Variants in GALNTL6 observed in about 807,000 individuals in gnomAD.
The protein encoded by GALNTL6 is polypeptide N-acetylgalactosaminyltransferase-like 6.
In GALNTL6, 46 loss-of-function variants were observed where a neutral mutation model predicts 73.7. The observed-to-expected ratio is 0.62, with a 90% CI of 0.49 to 0.80. The LOEUF (loss-of-function observed/expected upper bound fraction) is 0.80, where lower values mean the gene tolerates loss of function less well. Ranked by LOEUF, GALNTL6 falls within the 30% of genes least tolerant of loss-of-function variation. The pLI is 0.00. For synonymous variants in GALNTL6, 259 were observed against 263.7 expected, an observed-to-expected ratio of 0.98 and a Z score of 0.17; for missense variants, 604 against 755.0, an observed-to-expected ratio of 0.80 and a Z score of 2.34.
intron 8 of GALNTL6, among the ~76,000 whole-genome samples, chr4:172,930,902 T>C (rs187566761): frequency 1.9e-4 from 29 of 152,266 alleles, no homozygotes; most frequent in African/African-American, 7.0e-4. Context: ...TGGGCTCAAG[T>C]GATCCTCCCT....
intron 5 of GALNTL6, among the ~76,000 whole-genome samples, chr4:172,461,558 G>A (rs1261610806): frequency 1.3e-5 from 2 of 152,068 alleles, no homozygotes; most frequent in Non-Finnish European, 1.5e-5. Context: ...TATTGCAGGG[G>A]AACAGTGTTT....
chr4:172,424,085 A>AGT, intron 5 of GALNTL6, among the ~76,000 whole-genome samples: 1 of 150,328 alleles, frequency 6.7e-6, no homozygotes, highest in East Asian at 1.9e-4. Flanking sequence ...TAGTATCATG[A>AGT]GTGTATATAT....
intron 5 of GALNTL6, among the ~76,000 whole-genome samples, chr4:172,709,870 A>ATTGTAG (rs1734591378): frequency 6.6e-6 from 1 of 152,078 alleles, no homozygotes; most frequent in Admixed American, 6.6e-5. Flanking sequence ...TTAAAGGGAA[A>ATTGTAG]AAATGTAGAT....
intron 5 of GALNTL6, among the ~76,000 whole-genome samples, chr4:172,732,412 G>A (rs1736205606): frequency 6.6e-6 from 1 of 152,000 alleles, no homozygotes; most frequent in Admixed American, 6.6e-5. Context: ...CTCTAGTTAT[G>A]TGTGTCTTTA....
At chr4:172,195,971 AACCT>A (rs1017268154) in intron 2 of GALNTL6, among the ~76,000 whole-genome samples, 2 of 151,648 alleles carry the variant, frequency 1.3e-5, no homozygotes, top group African/African-American at 4.8e-5. Flanking sequence ...AGACACAAAA[AACCT>A]TTCAAAAAAA....
At chr4:172,592,953 T>TA (rs1348069693) in intron 5 of GALNTL6, among the ~76,000 whole-genome samples, 2 of 152,020 alleles carry the variant, frequency 1.3e-5, no homozygotes, top group Admixed American at 6.6e-5. Flanking sequence ...AGCTTTTTTT[T>TA]ATCCTAGGAT....
chr4:172,051,997 C>T (rs1408286025), intron 2 of GALNTL6, among the ~76,000 whole-genome samples: 1 of 152,142 alleles, frequency 6.6e-6, no homozygotes, highest in East Asian at 1.9e-4. Flanking sequence ...CACTGTCATA[C>T]AGCTTAATAT....
At chr4:172,256,089 G>A (rs779977911) in intron 3 of GALNTL6, among the ~76,000 whole-genome samples, 12 of 151,226 alleles carry the variant, frequency 7.9e-5, no homozygotes, top group Admixed American at 3.3e-4. Flanking sequence ...TATGTTATGC[G>A]CATTTAAATA....
chr4:172,415,623 A>G (rs562318607), intron 5 of GALNTL6, among the ~76,000 whole-genome samples: 48 of 152,278 alleles, frequency 3.2e-4, no homozygotes, highest in African/African-American at 1.1e-3. Flanking sequence ...AGAACCCCTC[A>G]GACACCAAGC....
chr4:172,463,577 G>A (rs1057427471), intron 5 of GALNTL6, among the ~76,000 whole-genome samples: 7 of 152,120 alleles, frequency 4.6e-5, no homozygotes, highest in Admixed American at 3.3e-4. Flanking sequence ...ACAGGGATGC[G>A]ACAGAAAGAT....
intron 2 of GALNTL6, among the ~76,000 whole-genome samples, chr4:172,014,056 C>A (rs1454681445): frequency 6.6e-6 from 1 of 152,032 alleles, no homozygotes; most frequent in Non-Finnish European, 1.5e-5. Flanking sequence ...GGATTTCATT[C>A]TTTTTTATGG....
At chr4:172,962,109 G>T (rs1223833074) in intron 10 of GALNTL6, among the ~76,000 whole-genome samples, 1 of 152,178 alleles carries the variant, frequency 6.6e-6, no homozygotes, top group Non-Finnish European at 1.5e-5. Flanking sequence ...GGGGTCACAA[G>T]GTGCTCAGTG....
chr4:172,099,496 A>G (rs1043411275), intron 2 of GALNTL6, among the ~76,000 whole-genome samples: 3 of 152,158 alleles, frequency 2.0e-5, no homozygotes, highest in African/African-American at 4.8e-5. Context: ...ATTAACTGCA[A>G]AAGTGTGCCC....
chr4:171,946,696 C>T (rs897238976), intron 2 of GALNTL6, among the ~76,000 whole-genome samples: 2 of 152,128 alleles, frequency 1.3e-5, no homozygotes, highest in East Asian at 1.9e-4. Context: ...TAGTCAGAGG[C>T]GGCCTCTCCA....
intron 5 of GALNTL6, among the ~76,000 whole-genome samples, chr4:172,459,493 G>A (rs928729595): frequency 2.6e-5 from 4 of 152,186 alleles, no homozygotes; most frequent in African/African-American, 9.7e-5. Context: ...ATCTTCTTAA[G>A]CTGATAAGCA....
At chr4:172,111,326 G>A (rs538284358) in intron 2 of GALNTL6, among the ~76,000 whole-genome samples, 2 of 152,140 alleles carry the variant, frequency 1.3e-5, no homozygotes, top group Non-Finnish European at 1.5e-5. Flanking sequence ...TAGCATCTAT[G>A]TTCATGTCAA....
intron 9 of GALNTL6, among the ~76,000 whole-genome samples, chr4:172,933,782 C>T (rs1467606491): frequency 6.6e-6 from 1 of 152,118 alleles, no homozygotes; most frequent in Admixed American, 6.5e-5. Flanking sequence ...AATGCAGGGC[C>T]ACGTCTACTC....
intron 2 of GALNTL6, among the ~76,000 whole-genome samples, chr4:172,227,821 C>T (rs1479798765): frequency 2.6e-5 from 4 of 152,118 alleles, no homozygotes; most frequent in Non-Finnish European, 4.4e-5. Context: ...CGCTATATTA[C>T]ATATATCAAA....
At chr4:172,850,155 A>G (rs778149214) in intron 7 of GALNTL6, among the ~76,000 whole-genome samples, 17 of 152,184 alleles carry the variant, frequency 1.1e-4, no homozygotes, top group Non-Finnish European at 2.4e-4. Context: ...AGAAGCAAAC[A>G]TGGACCTCCT....
Sources: gnomAD v4.1 joint callset for allele counts (sites outside exome capture counted in the v4.1 genomes callset) on GRCh38, gnomAD v4.1.1 for gene constraint, MANE v1.5 for transcripts, NCBI Gene and HGNC (gene_info 2026-07-23, HGNC 2026-07-21) for gene names.